Variants in DUX4 observed in about 807,000 individuals in gnomAD.
DUX4 encodes the protein double homeobox 4, also known as double homeobox protein 4.
chr4:190,179,563 C>A (rs1579835659), downstream of DUX4, among the ~76,000 whole-genome samples: 4 of 152,264 alleles, frequency 2.6e-5, no homozygotes, highest in Admixed American at 6.5e-5. Flanking sequence ...GTGATCAGTG[C>A]AGTGATATGT....
chr4:190,176,549 A>G (rs1181772375), downstream of DUX4, among the ~76,000 whole-genome samples: 8 of 103,340 alleles, frequency 7.7e-5, 1 homozygote, highest in Admixed American at 1.2e-4. Context: ...CACCTAGTTT[A>G]TCAGTGTAAT....
At chr4:190,176,878 G>C (rs1359140957), downstream of DUX4, among the ~76,000 whole-genome samples, 5,151 of 30,950 alleles carry the variant, frequency 0.17, 42 homozygotes, top group South Asian at 0.23. Flanking sequence ...ACAAGGTTTA[G>C]ATCACCTAGG....
chr4:190,181,456 C>A (rs1553983643), intron 1 of DUX4, among the ~76,000 whole-genome samples: 2,401 of 99,556 alleles, frequency 0.024, no homozygotes, highest in Middle Eastern at 0.035. Flanking sequence ...GCAAGAGTTA[C>A]ATCACCTAGA....
chr4:190,178,363 GGC>G (rs1742420624), downstream of DUX4, among the ~76,000 whole-genome samples: 1 of 150,996 alleles, frequency 6.6e-6, no homozygotes. Flanking sequence ...GTCCCCTGTA[GGC>G]AAAGCCTAGG....
In DUX4 at chr4:190,183,357, T is replaced by A. The variant is rs1272756743; in HGVS notation, n.93-1984T>A. 32 of 106,940 alleles carry A rather than the reference T, an allele frequency of 3.0e-4. 1 individual carries two copies. In the South Asian group the frequency reaches 9.9e-3, roughly 33 times the overall value. The allele number at this position is 106,940 out of a possible 1,614,324, so 6.6% of individuals were successfully genotyped here. On this transcript the variant is annotated intron_variant and non_coding_transcript_variant, in intron 1 of 2. Coordinates refer to the DUX4 transcript ENST00000563716. ...AAACGGGTCCCCAGGAGCTACAGGCTGCAGAAGCAGCTTCTCCTCTATGTT... is the reference window on the plus strand; with the variant it reads ...AAACGGGTCCCCAGGAGCTACAGGCAGCAGAAGCAGCTTCTCCTCTATGTT...
chr4:190,176,793 G>C (rs1742322053), downstream of DUX4, among the ~76,000 whole-genome samples: 1 of 127,982 alleles, frequency 7.8e-6, no homozygotes, highest in African/African-American at 2.6e-5. Context: ...TGTAGGCAGT[G>C]CCTAGACAAG....
chr4:190,181,365 T>C (rs1250951248), intron 1 of DUX4, among the ~76,000 whole-genome samples: 3 of 338 alleles, frequency 8.9e-3, no homozygotes, highest in African/African-American at 0.038. Context: ...ATGCCCTCTG[T>C]AGGCAGAGCC....
At chr4:190,179,305 A>AGCCCCC (rs1742486091), downstream of DUX4, among the ~76,000 whole-genome samples, 1 of 151,698 alleles carries the variant, frequency 6.6e-6, no homozygotes, top group African/African-American at 2.4e-5. Context: ...ATATGTCACA[A>AGCCCCC]TGCCACTGTA....
chr4:190,176,742 T>C (rs1742319420), downstream of DUX4, among the ~76,000 whole-genome samples: 3 of 122,486 alleles, frequency 2.4e-5, no homozygotes, highest in African/African-American at 5.1e-5. Context: ...CAAGCGTCCA[T>C]CACCTGGGTG....
chr4:190,183,230 A>T (rs1445011533), intron 1 of DUX4: 1 of 83,780 alleles, frequency 1.2e-5, no homozygotes, highest in African/African-American at 3.4e-5. Flanking sequence ...ATTACTTAAT[A>T]TATAGGCTAT....
downstream of DUX4, among the ~76,000 whole-genome samples, chr4:190,179,581 CTG>C (rs1742504770): frequency 8.7e-3 from 195 of 22,384 alleles, no homozygotes; most frequent in Middle Eastern, 0.023. Flanking sequence ...TGTCACAATG[CTG>C]TGTAGCCAGA....
At chr4:190,181,109 ATAGTTAC>A (rs1742546086) in intron 1 of DUX4, among the ~76,000 whole-genome samples, 2 of 147,940 alleles carry the variant, frequency 1.4e-5, no homozygotes, top group African/African-American at 2.5e-5. Flanking sequence ...AGCCTAGACA[ATAGTTAC>A]ATCACCTGAG....
chr4:190,177,381 A>AGATACGTCAC, downstream of DUX4, among the ~76,000 whole-genome samples: 1 of 137,516 alleles, frequency 7.3e-6, no homozygotes, highest in Non-Finnish European at 1.6e-5. Context: ...ATCAGTGCAG[A>AGATACGTCAC]AATATGTCAC....
At chr4:190,176,105 G>T (rs1164351006), downstream of DUX4, among the ~76,000 whole-genome samples, 8 of 112,360 alleles carry the variant, frequency 7.1e-5, 2 homozygotes, top group African/African-American at 2.1e-4. Context: ...GCCTCCTGTA[G>T]GCAGAGTGTA....
At chr4:190,178,934 CCTGGGTGATCAGTGCAG>C (rs1742465027), downstream of DUX4, among the ~76,000 whole-genome samples, 1 of 145,214 alleles carries the variant, frequency 6.9e-6, no homozygotes, top group Non-Finnish European at 1.5e-5. Flanking sequence ...GAGTCCGTCT[CCTGGGTGATCAGTGCAG>C]AAATACGTCA....
chr4:190,181,566 C>CATAG (rs1742582507), intron 1 of DUX4, among the ~76,000 whole-genome samples: 1 of 16,546 alleles, frequency 6.0e-5, no homozygotes, highest in Non-Finnish European at 1.2e-4. Context: ...CACTATGCCC[C>CATAG]GTAGGCAGAG....
chr4:190,178,338 G>GAGTCT (rs1742418655), downstream of DUX4, among the ~76,000 whole-genome samples: 1 of 147,762 alleles, frequency 6.8e-6, no homozygotes, highest in Non-Finnish European at 1.5e-5. Flanking sequence ...GATCAGTGCA[G>GAGTCT]AGATATGTCA....
chr4:190,179,793 G>GT (rs1742512615), downstream of DUX4, among the ~76,000 whole-genome samples: 157 of 147,186 alleles, frequency 1.1e-3, 1 homozygote, highest in East Asian at 6.8e-3. Flanking sequence ...GCCCCTGTAG[G>GT]CAAGCCTACA....
chr4:190,179,063 C>CACAATG (rs1742475702), downstream of DUX4, among the ~76,000 whole-genome samples: 1 of 14,968 alleles, frequency 6.7e-5, no homozygotes, highest in African/African-American at 2.1e-4. Context: ...AGAAAAGAGT[C>CACAATG]CCATTACTTG....
Sources: allele counts gnomAD v4.1 joint callset (sites outside exome capture counted in the v4.1 genomes callset), GRCh38; gene constraint gnomAD v4.1.1; transcripts MANE v1.5; gene names NCBI Gene and HGNC (gene_info 2026-07-23, HGNC 2026-07-21).